The following CHSY3 variants were observed in gnomAD, a reference collection of about 807,000 sequenced individuals.
The protein encoded by CHSY3 is chondroitin sulfate synthase 3, also known as N-acetylgalactosaminyl-proteoglycan 3-beta-glucuronosyltransferase 3.
In CHSY3, 35 loss-of-function variants were observed where a neutral mutation model predicts 67.2. The ratio of observed to expected loss-of-function variants is 0.52; its 90% CI spans 0.40 to 0.69. The LOEUF (loss-of-function observed/expected upper bound fraction) is 0.69, where lower values mean the gene tolerates loss of function less well. Ranked by LOEUF, CHSY3 falls within the 30% of genes least tolerant of loss-of-function variation. CHSY3 has a pLI of 0.00. For missense variants in CHSY3, 1,069 were observed against 1,138.5 expected (o/e 0.94, Z 0.88); for synonymous variants, 474 against 434.7 (o/e 1.09, Z -1.12).
chr5:130,070,874 C>T lies in CHSY3; in HGVS notation c.1087-113355C>T, dbSNP rs77800618. On this transcript the variant is annotated intron_variant, in intron 2 of 2. Coordinates refer to ENST00000305031, the MANE Select transcript of CHSY3 (RefSeq NM_175856.5). ...CAGTGATATTTTGACTGCTTTAAGA[C>T]TCAGATTTGTTTTATTGATGCTTCA... 6.0e-3 allele frequency among the ~76,000 whole-genome samples: 915 copies of T among 152,104 alleles called. 11 individuals carry two copies. The highest frequency in any genetic ancestry group is 0.021 in the African/African-American group (860 of 41,548).
chr5:129,989,661 C>T (rs967122722), intron 2 of CHSY3, among the ~76,000 whole-genome samples: 1 of 152,132 alleles, frequency 6.6e-6, no homozygotes, highest in Non-Finnish European at 1.5e-5. Flanking sequence ...CTTAAAAACA[C>T]ATCTTGCAGC....
chr5:130,185,947 G>A lies in CHSY3; in HGVS notation c.*156G>A, dbSNP rs1433647555. On this transcript the variant is annotated 3_prime_UTR_variant, in exon 3 of 3. Transcript: ENST00000305031. The stretch of plus-strand genomic sequence containing the variant: ...ACTACTCTTGGTTGTCTTCCTAAGG[G>A]TGTTTGTTGACCTCAAGCAAGAAGA... The A allele has an allele frequency of 1.7e-5, 7 of 403,168 alleles. No homozygotes were observed. Among genetic ancestry groups the A allele is most frequent in the African/African-American group, 8.3e-5 (4 of 48,398 alleles). 25.0% of individuals were successfully genotyped at this position (403,168 alleles called of 1,614,324 possible).
intron 2 of CHSY3, among the ~76,000 whole-genome samples, chr5:130,139,001 G>A (rs1488157366): frequency 6.6e-6 from 1 of 152,050 alleles, no homozygotes; most frequent in African/African-American, 2.4e-5. Flanking sequence ...ACATACATAG[G>A]CTATATGGTA....
chr5:129,967,520 T>C (rs1762504205), intron 2 of CHSY3, among the ~76,000 whole-genome samples: 1 of 151,866 alleles, frequency 6.6e-6, no homozygotes, highest in African/African-American at 2.4e-5. Context: ...TACCAGTCGC[T>C]GCTATTTGGT....
chr5:130,127,159 C>T (rs116064191), intron 2 of CHSY3, among the ~76,000 whole-genome samples: 32 of 152,244 alleles, frequency 2.1e-4, no homozygotes, highest in African/African-American at 7.7e-4. Flanking sequence ...ACAAAAATGC[C>T]GTAACATGAC....
intron 2 of CHSY3, among the ~76,000 whole-genome samples, chr5:130,181,446 G>A (rs1166212617): frequency 6.6e-6 from 1 of 151,918 alleles, no homozygotes; most frequent in East Asian, 1.9e-4. Flanking sequence ...AAATCTCTCT[G>A]ATATCTTCTC....
intron 2 of CHSY3, among the ~76,000 whole-genome samples, chr5:130,103,373 T>C (rs1767309508): frequency 6.6e-6 from 1 of 152,106 alleles, no homozygotes; most frequent in Admixed American, 6.6e-5. Flanking sequence ...TTTACTTCTG[T>C]GGCATTGTAC....
At position 130,107,641 on chromosome 5, in the gene CHSY3, A is replaced by T. The variant is rs528146463; in HGVS notation, c.1087-76588A>T. ...TCACTCTTTGTAGTATTACATGTTT[A>T]TTGTCAAAATCTGTTCTGCCAACTT... On this transcript the variant is annotated intron_variant, in intron 2 of 2. Coordinates refer to ENST00000305031, the MANE Select transcript of CHSY3 (RefSeq NM_175856.5). 2.0e-5 allele frequency among the ~76,000 whole-genome samples: 3 copies of T among 151,732 alleles called. No homozygotes were observed. The East Asian group carries it at 5.8e-4, about 29-fold the overall frequency.
At chr5:129,989,376 C>G (rs1381829001) in intron 2 of CHSY3, among the ~76,000 whole-genome samples, 2 of 151,636 alleles carry the variant, frequency 1.3e-5, no homozygotes, top group African/African-American at 4.9e-5. Context: ...ATTCTCCTGC[C>G]TCAGTCTCTC....
intron 2 of CHSY3, among the ~76,000 whole-genome samples, chr5:129,979,230 G>GAAAAGA (rs1217615174): frequency 7.8e-6 from 1 of 127,434 alleles, no homozygotes; most frequent in South Asian, 2.6e-4. Context: ...AAAAAAGAAA[G>GAAAAGA]AAAAGAAAAA....
At chr5:130,119,402 A>G (rs1327434037) in intron 2 of CHSY3, among the ~76,000 whole-genome samples, 1 of 152,160 alleles carries the variant, frequency 6.6e-6, no homozygotes, top group East Asian at 1.9e-4. Context: ...AGGAAGATAG[A>G]GATGTGCTAA....
chr5:129,959,540 G>T (rs984618912), intron 2 of CHSY3, among the ~76,000 whole-genome samples: 4 of 151,988 alleles, frequency 2.6e-5, no homozygotes, highest in Non-Finnish European at 5.9e-5. Flanking sequence ...ACTATAAGAC[G>T]TTAATTTCAA....
At chr5:130,079,792 G>T (rs191016413) in intron 2 of CHSY3, among the ~76,000 whole-genome samples, 57 of 152,128 alleles carry the variant, frequency 3.7e-4, no homozygotes, top group African/African-American at 1.3e-3. Flanking sequence ...TATATGTGCA[G>T]CAATTACTGA....
At position 130,140,421 on chromosome 5, in the gene CHSY3, C is replaced by G. The variant is rs1158539145; in HGVS notation, c.1087-43808C>G. On this transcript the variant is annotated intron_variant, in intron 2 of 2. Coordinates refer to ENST00000305031, the MANE Select transcript of CHSY3 (RefSeq NM_175856.5). ...TAAAGATGAAGGAAATTGCAGAAACCTACCTTGGAAAGACTGTTACCAATG... is the reference window on the plus strand; with the variant it reads ...TAAAGATGAAGGAAATTGCAGAAACGTACCTTGGAAAGACTGTTACCAATG... 5.9e-6 allele frequency: 5 copies of G among 851,534 alleles called. No homozygotes were observed. The African/African-American group carries it at 8.7e-5, about 15-fold the overall frequency. 52.7% of individuals were successfully genotyped at this position (851,534 alleles called of 1,614,324 possible).
At chr5:129,909,378 A>C (rs32232) in intron 2 of CHSY3, among the ~76,000 whole-genome samples, 56,875 of 151,864 alleles carry the variant, frequency 0.37, 10,703 homozygotes, top group South Asian at 0.46. Flanking sequence ...ACATTTTATG[A>C]AAATATGTTC....
At chr5:129,962,139 A>G (rs73785827) in intron 2 of CHSY3, among the ~76,000 whole-genome samples, 80 of 152,100 alleles carry the variant, frequency 5.3e-4, no homozygotes, top group African/African-American at 1.9e-3. Flanking sequence ...CTTCGGTACC[A>G]ACTATTGCAT....
At position 130,144,595 on chromosome 5, in the gene CHSY3, A is replaced by G. The variant is rs539320246; in HGVS notation, c.1087-39634A>G. On this transcript the variant is annotated intron_variant, in intron 2 of 2. Transcript: ENST00000305031. The stretch of plus-strand genomic sequence containing the variant: ...CCATACTACCTAAAGGAAAGTACAG[A>G]TTCAATATAATTCTTATCAAAATAC... Among the ~76,000 whole-genome samples the G allele has an allele frequency of 4.6e-5, 7 of 152,290 alleles. 1 individual carries two copies. The South Asian group carries it at 1.0e-3, about 23-fold the overall frequency.
intron 2 of CHSY3, among the ~76,000 whole-genome samples, chr5:129,957,618 C>A (rs575721022): frequency 6.6e-6 from 1 of 152,150 alleles, no homozygotes; most frequent in Admixed American, 6.5e-5. Context: ...TTTTTTTCCT[C>A]ATACTTTGAA....
chr5:129,927,739 A>T (rs887277133), intron 2 of CHSY3, among the ~76,000 whole-genome samples: 21 of 152,072 alleles, frequency 1.4e-4, no homozygotes, highest in Non-Finnish European at 2.4e-4. Flanking sequence ...TATTTTTTTT[A>T]AAGAAACTGT....
Sources: gnomAD v4.1 joint callset for allele counts (sites outside exome capture counted in the v4.1 genomes callset) on GRCh38, gnomAD v4.1.1 for gene constraint, MANE v1.5 for transcripts, NCBI Gene and HGNC (gene_info 2026-07-23, HGNC 2026-07-21) for gene names.